IQSEC1: variants seen among roughly 807,000 people sequenced by gnomAD.
IQSEC1 encodes the protein IQ motif and Sec7 domain ArfGEF 1, also known as IQ motif and SEC7 domain-containing protein 1.
A neutral mutation model predicts 91.0 loss-of-function variants in IQSEC1; 31 were observed. That is an observed-to-expected ratio of 0.34 (90% confidence interval 0.26 to 0.46). The LOEUF is 0.46. Ranked by LOEUF, IQSEC1 falls within the 20% of genes least tolerant of loss-of-function variation. The pLI is 1.00. For synonymous variants in IQSEC1, 699 were observed against 662.6 expected, an observed-to-expected ratio of 1.05 and a Z score of -0.84; for missense variants, 1,388 against 1,575.6, an observed-to-expected ratio of 0.88 and a Z score of 2.02.
At chr3:13,018,154 T>C (rs1280210837) in intron 1 of IQSEC1, among the ~76,000 whole-genome samples, 1 of 152,216 alleles carries the variant, frequency 6.6e-6, no homozygotes, top group Admixed American at 6.5e-5. Flanking sequence ...TGTCCTCGCG[T>C]CAGAGCTGCC....
intron 2 of IQSEC1, among the ~76,000 whole-genome samples, chr3:13,110,939 T>C (rs886718406): frequency 1.3e-5 from 2 of 152,112 alleles, no homozygotes; most frequent in Non-Finnish European, 2.9e-5. Flanking sequence ...CTGGGGGGAA[T>C]TACCGCACCA....
intron 1 of IQSEC1, among the ~76,000 whole-genome samples, chr3:13,036,563 C>T (rs554939347): frequency 6.6e-6 from 1 of 152,306 alleles, no homozygotes; most frequent in East Asian, 1.9e-4. Context: ...ACCCAGGGTG[C>T]CCCCTGTAGA....
intron 1 of IQSEC1, among the ~76,000 whole-genome samples, chr3:13,240,245 G>C (rs1284726835): frequency 6.6e-6 from 1 of 152,096 alleles, no homozygotes; most frequent in Non-Finnish European, 1.5e-5. Context: ...AAATTAGCCA[G>C]GTGAGGTGGT....
At chr3:12,939,773 G>A (rs1698582396) in intron 2 of IQSEC1, among the ~76,000 whole-genome samples, 1 of 152,088 alleles carries the variant, frequency 6.6e-6, no homozygotes, top group East Asian at 1.9e-4. Context: ...TTCCCAACCA[G>A]CCTTACCCAA....
At position 13,238,989 on chromosome 3, in the gene IQSEC1, G is replaced by A. The variant is rs1228314278; in HGVS notation, c.272+43722C>T. Among the ~76,000 whole-genome samples, 3 of 152,296 alleles carry A rather than the reference G, an allele frequency of 2.0e-5. No individual in the cohort carries two copies. The East Asian group carries it at 5.8e-4, about 29-fold the overall frequency. On this transcript the variant is annotated intron_variant, in intron 1 of 15. Coordinates refer to the IQSEC1 transcript ENST00000648114. Reference sequence around the variant, plus strand: ...TTCAAGGAGCCCATGCTGGGGACTCGACACGCCCACCAGCCTTTCCTCATT... The same window carrying A: ...TTCAAGGAGCCCATGCTGGGGACTCAACACGCCCACCAGCCTTTCCTCATT...
Position 12,967,075 on chromosome 3 carries a change from C to A in IQSEC1, c.24-25210G>T, listed in dbSNP as rs762320202. 1.3e-5 allele frequency among the ~76,000 whole-genome samples: 2 copies of A among 151,486 alleles called. No homozygotes were observed. The highest frequency in any genetic ancestry group is 2.4e-5 in the African/African-American group (1 of 41,324). ...CCCCAAACTCAAACTCACCCCCACA[C>A]CAACTTGCACTCCAACAGGCCCTCG... On this transcript the variant is annotated intron_variant, in intron 1 of 13. Coordinates refer to ENST00000613206, the MANE Select transcript of IQSEC1 (RefSeq NM_001134382.3). The surrounding 1 kb of genome is among the most constrained non-coding windows in gnomAD (Gnocchi z 5.9).
chr3:13,253,594 T>C (rs1191878199), intron 1 of IQSEC1, among the ~76,000 whole-genome samples: 1 of 152,188 alleles, frequency 6.6e-6, no homozygotes, highest in Admixed American at 6.5e-5. Context: ...ATCAAAATAT[T>C]AGATAAGGGG....
chr3:13,064,774 C>T (rs1369720622), intron 1 of IQSEC1, among the ~76,000 whole-genome samples: 1 of 152,254 alleles, frequency 6.6e-6, no homozygotes, highest in Non-Finnish European at 1.5e-5. Context: ...TAGTTGCTCG[C>T]AGATTTTCAT....
At chr3:13,034,833 A>G (rs998459311) in intron 1 of IQSEC1, among the ~76,000 whole-genome samples, 1 of 152,218 alleles carries the variant, frequency 6.6e-6, no homozygotes, top group Non-Finnish European at 1.5e-5. Flanking sequence ...GTCTGAGCTA[A>G]TGCTCGCCAT....
chr3:12,992,697 A>G lies in IQSEC1; in HGVS notation c.24-50832T>C, dbSNP rs768981594. On this transcript the variant is annotated intron_variant, in intron 1 of 13. Transcript: ENST00000613206. This position sits in a 1 kb window ranked among gnomAD's most constrained non-coding sequence, Gnocchi z 4.1. Reference sequence around the variant, plus strand: ...ACTGGGCATGCTCAGAGCAACACTCACAAAGCTGACCAGGCAGAGCCGACT... The same window carrying G: ...ACTGGGCATGCTCAGAGCAACACTCGCAAAGCTGACCAGGCAGAGCCGACT... 6.6e-6 allele frequency among the ~76,000 whole-genome samples: 1 copy of G among 152,198 alleles called. No individual in the cohort carries two copies. The highest frequency in any genetic ancestry group is 1.5e-5 in the Non-Finnish European group (1 of 68,026).
intron 2 of IQSEC1, among the ~76,000 whole-genome samples, chr3:13,155,851 AG>A (rs964859073): frequency 2.0e-5 from 3 of 152,168 alleles, no homozygotes; most frequent in Non-Finnish European, 4.4e-5. Flanking sequence ...CAGAATTAAG[AG>A]GAAAAAAAAC....
intron 1 of IQSEC1, among the ~76,000 whole-genome samples, chr3:13,051,462 G>A (rs1007050537): frequency 2.0e-5 from 3 of 152,162 alleles, no homozygotes; most frequent in Non-Finnish European, 4.4e-5. Flanking sequence ...GGCTGTGACT[G>A]TGACTGGCAG....
chr3:12,960,225 T>G (rs1004929465), intron 1 of IQSEC1: 1 of 152,094 alleles, frequency 6.6e-6, no homozygotes, highest in African/African-American at 2.4e-5. Context: ...TCCCATCATC[T>G]CGGGTGGACA....
intron 2 of IQSEC1, among the ~76,000 whole-genome samples, chr3:13,080,386 G>A (rs1705630048): frequency 6.6e-6 from 1 of 152,118 alleles, no homozygotes; most frequent in South Asian, 2.1e-4. Flanking sequence ...CCTGCTCGTC[G>A]ACTGGGTGGA....
intron 2 of IQSEC1, among the ~76,000 whole-genome samples, chr3:13,159,560 T>A (rs1424216583): frequency 6.6e-6 from 1 of 152,148 alleles, no homozygotes; most frequent in Non-Finnish European, 1.5e-5. Context: ...GTGCACAGCA[T>A]CCCACCTTTG....
At chr3:12,974,372 AGGT>A (rs1190797540) in intron 1 of IQSEC1, among the ~76,000 whole-genome samples, 1 of 152,198 alleles carries the variant, frequency 6.6e-6, no homozygotes, top group African/African-American at 2.4e-5. Flanking sequence ...ACGTGAAAGA[AGGT>A]GGTGAGAATA....
rs1202154663 is a variant in IQSEC1, at chr3:12,922,848, C to A, written c.1731-606G>T. Reference sequence around the variant, plus strand: ...TCCCATGGCCCTGCCCCGGCACACCCTTCCAGTCCCTCCTATGGTGACCCC... The same window carrying A: ...TCCCATGGCCCTGCCCCGGCACACCATTCCAGTCCCTCCTATGGTGACCCC... On this transcript the variant is annotated intron_variant, in intron 4 of 13. Transcript: ENST00000613206. This position sits in a 1 kb window ranked among gnomAD's most constrained non-coding sequence, Gnocchi z 5.1. Among the ~76,000 whole-genome samples, 1 of 152,148 alleles carries A rather than the reference C, an allele frequency of 6.6e-6. No individual in the cohort carries two copies. Among genetic ancestry groups the A allele is most frequent in the Non-Finnish European group, 1.5e-5 (1 of 68,030 alleles).
intron 1 of IQSEC1, among the ~76,000 whole-genome samples, chr3:13,009,239 C>T (rs879372822): frequency 3.9e-5 from 6 of 152,330 alleles, no homozygotes; most frequent in African/African-American, 7.2e-5. Flanking sequence ...TCACACAGTG[C>T]GGTGACAGCC....
At chr3:13,011,580 C>T (rs1288586471) in intron 1 of IQSEC1, among the ~76,000 whole-genome samples, 1 of 152,214 alleles carries the variant, frequency 6.6e-6, no homozygotes, top group African/African-American at 2.4e-5. Flanking sequence ...CAACTGTGTG[C>T]GAATACACTG....
Sources: allele counts gnomAD v4.1 joint callset (sites outside exome capture counted in the v4.1 genomes callset), GRCh38; gene constraint gnomAD v4.1.1; non-coding constraint Gnocchi (gnomAD v3.1); transcripts MANE v1.5; gene names NCBI Gene and HGNC (gene_info 2026-07-23, HGNC 2026-07-21).